The following SGPP1 variants were observed in gnomAD, a reference collection of about 807,000 sequenced individuals.
The protein encoded by SGPP1 is hSPP1.
SGPP1 carries 21 observed loss-of-function variants against 33.0 expected under a neutral mutation model. That is an observed-to-expected ratio of 0.64 (90% CI 0.45 to 0.92). The LOEUF is 0.92. Among genes scored for constraint, SGPP1 ranks in the 40% least tolerant of loss-of-function variants. The pLI is 0.00. For synonymous variants in SGPP1, 239 were observed against 241.2 expected, an observed-to-expected ratio of 0.99 and a Z score of 0.08; for missense variants, 543 against 589.4, an observed-to-expected ratio of 0.92 and a Z score of 0.81.
At chr14:63,693,847 C>T (rs1214377680) in intron 2 of SGPP1, among the ~76,000 whole-genome samples, 1 of 152,200 alleles carries the variant, frequency 6.6e-6, no homozygotes, top group East Asian at 1.9e-4. Flanking sequence ...CTCCTCCCAC[C>T]TTGGCCTTGC....
chr14:63,717,181 A>T (rs568461032), intron 1 of SGPP1, among the ~76,000 whole-genome samples: 1 of 152,212 alleles, frequency 6.6e-6, no homozygotes, highest in Admixed American at 6.5e-5. Flanking sequence ...AGAACAGGTA[A>T]GTGAACTTAA....
rs1885307329 is a variant in SGPP1, at chr14:63,701,933, AAG to A, written c.685-3277_685-3276del. On this transcript the variant is annotated intron_variant, in intron 1 of 2. Transcript: ENST00000247225. Reference sequence around the variant, plus strand: ...CTGTTGACAGCAAAAAAAAAAAAAAAAGAACCAAAAGAAGTAAAAAAAAAAAA... The same window carrying A: ...CTGTTGACAGCAAAAAAAAAAAAAAAAACCAAAAGAAGTAAAAAAAAAAAA... Among the ~76,000 whole-genome samples, 6 of 149,000 alleles carry A rather than the reference AAG, an allele frequency of 4.0e-5. No homozygotes were observed. In the South Asian group the frequency reaches 1.3e-3, roughly 31 times the overall value.
chr14:63,693,971 T>C (rs774516242), intron 2 of SGPP1, among the ~76,000 whole-genome samples: 48 of 152,130 alleles, frequency 3.2e-4, no homozygotes, highest in Non-Finnish European at 3.2e-4. Flanking sequence ...ATGTTTCTTT[T>C]ATAGTACCTT....
chr14:63,688,585 C>T (rs1417665183), intron 2 of SGPP1, among the ~76,000 whole-genome samples: 1 of 152,124 alleles, frequency 6.6e-6, no homozygotes, highest in African/African-American at 2.4e-5. Flanking sequence ...TCTACTATTA[C>T]TGAAAAACTT....
At chr14:63,712,064 CAAAT>C (rs200870124) in intron 1 of SGPP1, among the ~76,000 whole-genome samples, 1,673 of 150,950 alleles carry the variant, frequency 0.011, 11 homozygotes, top group Non-Finnish European at 0.019. Context: ...TACCTTTACT[CAAAT>C]AAACTGATAC....
chr14:63,686,321 G>A lies in SGPP1; in HGVS notation c.1110C>T (p.Leu370=). The part of the protein sequence containing the change: ...TLFGKAILRI[L]IGMVFVLIIR... ...TTATTAGTACAAATACCATCCCTAT[G>A]AGGATCCGCAATATGGCTTTTCCAA... Residue 370 remains leucine (L), a synonymous_variant, in exon 3 of 3, where the codon CTC becomes CTT. Coordinates refer to ENST00000247225, the MANE Select transcript of SGPP1 (RefSeq NM_030791.4). The A allele has an allele frequency of 6.2e-7, 1 of 1,614,030 alleles. No homozygotes were observed. The highest frequency in any genetic ancestry group is 8.5e-7 in the Non-Finnish European group (1 of 1,179,954).
intron 1 of SGPP1, among the ~76,000 whole-genome samples, chr14:63,726,285 T>G (rs1885877615): frequency 6.6e-6 from 1 of 152,170 alleles, no homozygotes; most frequent in African/African-American, 2.4e-5. Flanking sequence ...CCTTAGAATC[T>G]CCACAATTAC....
At chr14:63,704,704 A>T (rs1885370054) in intron 1 of SGPP1, among the ~76,000 whole-genome samples, 1 of 152,194 alleles carries the variant, frequency 6.6e-6, no homozygotes, top group Non-Finnish European at 1.5e-5. Flanking sequence ...GAAAATCTTT[A>T]AAAAAATTTT....
chr14:63,708,421 A>ATTT (rs1259120518), intron 1 of SGPP1, among the ~76,000 whole-genome samples: 5 of 135,128 alleles, frequency 3.7e-5, no homozygotes, highest in African/African-American at 1.4e-4. Context: ...ATGCCCAGCT[A>ATTT]TTTTTTTTTT....
At position 63,685,387 on chromosome 14, in the gene SGPP1, C is replaced by T. The variant is rs1245744471; in HGVS notation, c.*718G>A. 1 of 152,270 alleles carries T rather than the reference C, an allele frequency of 6.6e-6. No individual in the cohort carries two copies. The highest frequency in any genetic ancestry group is 2.4e-5 in the African/African-American group (1 of 41,364). The allele number at this position is 152,270 out of a possible 1,614,324, so 9.4% of individuals were successfully genotyped here. A position where few individuals can be genotyped will look rare whatever the true frequency, so the allele number is the denominator to read the frequency against. ...ATTAGCAAGCAATAAAATTCAGTAC[C>T]TGAATTATTAAACTGACATCCAGAA... On this transcript the variant is annotated 3_prime_UTR_variant, in exon 3 of 3. Coordinates refer to ENST00000247225, the MANE Select transcript of SGPP1 (RefSeq NM_030791.4).
chr14:63,697,674 G>A (rs144706673), intron 2 of SGPP1, among the ~76,000 whole-genome samples: 82 of 152,226 alleles, frequency 5.4e-4, no homozygotes, highest in Admixed American at 1.3e-3. Context: ...AGAGAAGATG[G>A]GGAAGGTAAT....
chr14:63,726,441 G>T (rs1348983326), intron 1 of SGPP1, among the ~76,000 whole-genome samples: 1 of 151,130 alleles, frequency 6.6e-6, no homozygotes, highest in Admixed American at 6.6e-5. Flanking sequence ...TTTTCAGAGA[G>T]GGTTAAAAAA....
At chr14:63,689,481 C>T (rs1196934691) in intron 2 of SGPP1, among the ~76,000 whole-genome samples, 1 of 151,966 alleles carries the variant, frequency 6.6e-6, no homozygotes, top group African/African-American at 2.4e-5. Flanking sequence ...AATCGTTTTA[C>T]CACATATCTT....
chr14:63,711,778 T>C (rs1885528357), intron 1 of SGPP1, among the ~76,000 whole-genome samples: 1 of 152,132 alleles, frequency 6.6e-6, no homozygotes, highest in South Asian at 2.1e-4. Flanking sequence ...GGTCAAGGCC[T>C]GTAATCCCAG....
At chr14:63,705,611 C>T (rs4346121) in intron 1 of SGPP1, among the ~76,000 whole-genome samples, 24,285 of 151,586 alleles carry the variant, frequency 0.16, 5,217 homozygotes, top group African/African-American at 0.49. Flanking sequence ...AAGGTTCCCA[C>T]GAGCCAAGAT....
rs896714102 is a variant in SGPP1 at position 63,728,021 on chromosome 14, G to A, written c.-77C>T. 4.2e-6 allele frequency: 6 copies of A among 1,414,242 alleles called. No individual in the cohort carries two copies. In the African/African-American group the frequency reaches 9.0e-5, roughly 21 times the overall value. 87.6% of individuals were successfully genotyped at this position (1,414,242 alleles called of 1,614,324 possible). A position where few individuals can be genotyped will look rare whatever the true frequency, so the allele number is the denominator to read the frequency against. On this transcript the variant is annotated 5_prime_UTR_variant, in exon 1 of 3. Transcript: ENST00000247225. ...GTCCCCGCGCTCCTGGCCAGCGGCAGCGGAACCGGCACAGCGCTCTACCCT... is the reference window on the plus strand; with the variant it reads ...GTCCCCGCGCTCCTGGCCAGCGGCAACGGAACCGGCACAGCGCTCTACCCT...
At chr14:63,689,026 A>C (rs929168378) in intron 2 of SGPP1, among the ~76,000 whole-genome samples, 1 of 152,166 alleles carries the variant, frequency 6.6e-6, no homozygotes, top group African/African-American at 2.4e-5. Context: ...TGGCCAGGTC[A>C]TTTCTTAACA....
chr14:63,711,974 G>A (rs1013856720), intron 1 of SGPP1, among the ~76,000 whole-genome samples: 12 of 148,298 alleles, frequency 8.1e-5, no homozygotes, highest in African/African-American at 2.5e-4. Flanking sequence ...AGGTTGCAGC[G>A]AGCCAAGATC....
intron 1 of SGPP1, among the ~76,000 whole-genome samples, chr14:63,722,505 T>C (rs1885792514): frequency 6.6e-6 from 1 of 151,462 alleles, no homozygotes; most frequent in Non-Finnish European, 1.5e-5. Context: ...CACTCCAGCC[T>C]GGGCAACAGA....
Sources: allele counts gnomAD v4.1 joint callset (sites outside exome capture counted in the v4.1 genomes callset), GRCh38; gene constraint gnomAD v4.1.1; transcripts MANE v1.5; gene names NCBI Gene and HGNC (gene_info 2026-07-23, HGNC 2026-07-21).